The following PCID2 variants were observed in gnomAD, a reference collection of about 807,000 sequenced individuals.
PCID2 encodes PCI domain containing 2, also known as PCI domain-containing protein 2.
A neutral mutation model predicts 61.3 loss-of-function variants in PCID2; 41 were observed. The observed-to-expected ratio is 0.67, with a 90% CI of 0.52 to 0.87. The LOEUF is 0.87. PCID2 is among the 40% of genes least tolerant of loss of function. The pLI is 0.00. For synonymous variants in PCID2, 187 were observed against 177.8 expected, an observed-to-expected ratio of 1.05 and a Z score of -0.41; for missense variants, 392 against 493.4, an observed-to-expected ratio of 0.79 and a Z score of 1.95.
the PCID2 span, chr13:113,165,099 T>A: frequency 6.2e-7 from 1 of 1,612,452 alleles, no homozygotes; most frequent in African/African-American, 1.3e-5. Flanking sequence ...GTGCACCGGA[T>A]CTACAGGACC....
intron 10 of PCID2, among the ~76,000 whole-genome samples, chr13:113,180,525 C>G (rs1008160038): frequency 1.3e-5 from 2 of 152,144 alleles, no homozygotes; most frequent in African/African-American, 4.8e-5. Flanking sequence ...CTAGTATAAG[C>G]ATGAGATGTA....
chr13:113,198,470 G>T (rs567139943), intron 2 of PCID2, among the ~76,000 whole-genome samples: 16 of 152,318 alleles, frequency 1.1e-4, no homozygotes, highest in Admixed American at 5.9e-4. Context: ...GGGAGGGCGA[G>T]GTGGGCAGAT....
chr13:113,166,482 T>A, the PCID2 span: 2 of 152,152 alleles, frequency 1.3e-5, no homozygotes, highest in Non-Finnish European at 2.9e-5. Flanking sequence ...TTCACCCGAC[T>A]CTTACAAGAC....
intron 7 of PCID2, chr13:113,187,216 A>G (rs1478051989): frequency 1.3e-5 from 2 of 152,256 alleles, no homozygotes; most frequent in Admixed American, 6.5e-5. Flanking sequence ...CGCTACACGC[A>G]TGGTAATATC....
In PCID2 at chr13:113,179,530, C is replaced by T. The variant is rs558555102; in HGVS notation, c.986+387G>A. Among the ~76,000 whole-genome samples, 1 of 152,116 alleles carries T rather than the reference C, an allele frequency of 6.6e-6. No individual in the cohort carries two copies. The highest frequency in any genetic ancestry group is 1.5e-5 in the Non-Finnish European group (1 of 68,024). Reference sequence around the variant, plus strand: ...AGAAGACGTGTGAGGAAAGGAATGACGATCTCTGCATCTGCCTTTGTGACA... The same window carrying T: ...AGAAGACGTGTGAGGAAAGGAATGATGATCTCTGCATCTGCCTTTGTGACA... On this transcript the variant is annotated intron_variant, in intron 12 of 13. Transcript: ENST00000337344. The surrounding 1 kb of genome is among the most constrained non-coding windows in gnomAD (Gnocchi z 4.3).
downstream of PCID2, among the ~76,000 whole-genome samples, chr13:113,173,905 T>C (rs2037152294): frequency 6.6e-6 from 1 of 152,102 alleles, no homozygotes; most frequent in Admixed American, 6.6e-5. Flanking sequence ...TATTACAAAT[T>C]TGGATTTACT....
Position 113,180,012 on chromosome 13 carries a change from C to G in PCID2, c.891G>C (p.Ala297=), listed in dbSNP as rs372333589. The change falls in exon 12 of 14, where the codon GCG becomes GCC. Residue 297 remains alanine, a synonymous_variant. Coordinates refer to ENST00000337344, the MANE Select transcript of PCID2 (RefSeq NM_001127202.4). ...TGAAGAAGGCCTCGTGCTTCGCCAG[C>G]GCCTCGTGCAGCAGCAGCAGGTTGC... ...SEGNLLLLHE[A]LAKHEAFFIR... 1.7e-5 allele frequency: 28 copies of G among 1,613,990 alleles called. No individual in the cohort carries two copies. Among genetic ancestry groups the G allele is most frequent in the African/African-American group, 1.1e-4 (8 of 74,908 alleles).
chr13:113,196,352 AGTTCTTG>A, intron 4 of PCID2, 130 bp from the exon 5 acceptor site: 2 of 641,542 alleles, frequency 3.1e-6, no homozygotes, highest in Admixed American at 2.4e-5. Flanking sequence ...AACAATAGTA[AGTTCTTG>A]AAGGAAAAAA....
At chr13:113,178,506 T>C in intron 13 of PCID2, 1 of 480,448 alleles carries the variant, frequency 2.1e-6, no homozygotes, top group Non-Finnish European at 3.8e-6. Flanking sequence ...TGAAAATATT[T>C]GGGGAAAAAA....
downstream of PCID2, among the ~76,000 whole-genome samples, chr13:113,177,374 T>C (rs2037219246): frequency 6.6e-6 from 1 of 151,996 alleles, no homozygotes; most frequent in African/African-American, 2.4e-5. Context: ...CAATCTCAGG[T>C]GATCTGCCTG....
At chr13:113,167,211 G>A in the PCID2 span, among the ~76,000 whole-genome samples, 6 of 152,178 alleles carry the variant, frequency 3.9e-5, no homozygotes, top group African/African-American at 9.7e-5. Context: ...CGCAAGTGCC[G>A]TCTTCTCTCG....
intron 1 of PCID2, among the ~76,000 whole-genome samples, chr13:113,203,091 G>A (rs1014062244): frequency 2.6e-5 from 4 of 152,240 alleles, no homozygotes; most frequent in Non-Finnish European, 4.4e-5. Context: ...TGGGTAGGGC[G>A]GTGTCGCCGG....
At chr13:113,208,245 A>G (rs1296105635) in intron 1 of PCID2, 1 of 1,448,614 alleles carries the variant, frequency 6.9e-7, no homozygotes, top group African/African-American at 1.6e-5. Context: ...AGCACCGCCC[A>G]CAGCGGGCCC....
intron 6 of PCID2, among the ~76,000 whole-genome samples, chr13:113,193,271 C>A (rs1420159268): frequency 6.6e-6 from 1 of 151,576 alleles, no homozygotes; most frequent in Non-Finnish European, 1.5e-5. Flanking sequence ...TTGTAACTAA[C>A]CTTTTTAAAA....
Position 113,184,350 on chromosome 13 carries a change from C to T in PCID2, c.681G>A (p.Lys227=). 1 of 1,612,870 alleles carries T rather than the reference C, an allele frequency of 6.2e-7. No homozygotes were observed. Among genetic ancestry groups the T allele is most frequent in the South Asian group, 1.1e-5 (1 of 90,968 alleles). ...AAAAAAAGATTAGCAACATACCTTG[C>T]TTAAAATCGCTGTCAAACATAGCCT... is the stretch of plus-strand genomic sequence containing the variant. The part of the protein sequence containing the change: ...GRKAMFDSDF[K]QAEEYLSFAF... Residue 227 remains lysine, a synonymous_variant, in exon 9 of 14, where the codon AAG becomes AAA. Coordinates refer to ENST00000337344, the MANE Select transcript of PCID2 (RefSeq NM_001127202.4).
downstream of PCID2, among the ~76,000 whole-genome samples, chr13:113,173,264 G>C (rs546536703): frequency 3.3e-5 from 5 of 152,378 alleles, no homozygotes; most frequent in Non-Finnish European, 7.3e-5. Context: ...CAGCTGCAAT[G>C]CAAGTACCAA....
chr13:113,188,368 C>G (rs758393255), intron 7 of PCID2: 2 of 152,244 alleles, frequency 1.3e-5, no homozygotes, highest in Non-Finnish European at 2.9e-5. Flanking sequence ...GTAGGCTTGG[C>G]TGAACAGTTG....
intron 1 of PCID2, among the ~76,000 whole-genome samples, chr13:113,206,647 T>C (rs2039860977): frequency 6.6e-6 from 1 of 152,266 alleles, no homozygotes; most frequent in Admixed American, 6.5e-5. Context: ...GTTGCCATTC[T>C]GTATCGAAGA....
chr13:113,203,718 T>C (rs2039597550), intron 1 of PCID2, among the ~76,000 whole-genome samples: 1 of 152,064 alleles, frequency 6.6e-6, no homozygotes, highest in South Asian at 2.1e-4. Flanking sequence ...CTCGAGACCA[T>C]CTGACCAGGT....
Sources: gnomAD v4.1 joint callset for allele counts (sites outside exome capture counted in the v4.1 genomes callset) on GRCh38, gnomAD v4.1.1 for gene constraint, Gnocchi (gnomAD v3.1) non-coding constraint, MANE v1.5 for transcripts, NCBI Gene and HGNC (gene_info 2026-07-23, HGNC 2026-07-21) for gene names.